Variants in TAOK3 observed in about 807,000 individuals in gnomAD.
The protein encoded by TAOK3 is TAO kinase 3.
A neutral mutation model predicts 120.4 loss-of-function variants in TAOK3; 40 were observed. The ratio of observed to expected loss-of-function variants is 0.33; its 90% confidence interval spans 0.26 to 0.43. The LOEUF is 0.43. TAOK3 is among the 20% of genes least tolerant of loss of function. The pLI, the probability that TAOK3 is intolerant of heterozygous loss-of-function variation, is 1.00. For synonymous variants in TAOK3, 355 were observed against 387.5 expected, an observed-to-expected ratio of 0.92 and a Z score of 0.99; for missense variants, 821 against 1,112.1, an observed-to-expected ratio of 0.74 and a Z score of 3.72.
chr12:118,174,853 C>T (rs1194301440), intron 16 of TAOK3, among the ~76,000 whole-genome samples: 1 of 152,036 alleles, frequency 6.6e-6, no homozygotes, highest in South Asian at 2.1e-4. Flanking sequence ...ATAGAGATGT[C>T]GTTTTACCAT....
At chr12:118,291,807 A>G (rs2042493523) in intron 1 of TAOK3, among the ~76,000 whole-genome samples, 1 of 152,106 alleles carries the variant, frequency 6.6e-6, no homozygotes, top group African/African-American at 2.4e-5. Flanking sequence ...TATACTACAT[A>G]TGAAATGAAA....
intron 11 of TAOK3, among the ~76,000 whole-genome samples, chr12:118,202,808 C>T (rs1297778017): frequency 6.1e-4 from 71 of 115,606 alleles, no homozygotes; most frequent in Non-Finnish European, 8.8e-4. Flanking sequence ...GAGATGGAGT[C>T]TCGCTCTCTC....
intron 3 of TAOK3, among the ~76,000 whole-genome samples, chr12:118,252,820 C>T (rs892814867): frequency 3.3e-5 from 5 of 151,518 alleles, no homozygotes; most frequent in East Asian, 3.9e-4. Flanking sequence ...CCCGAGTTCA[C>T]GCCATTCTCC....
chr12:118,162,156 G>A (rs2035262953), intron 17 of TAOK3, 129 bp from the exon 18 acceptor site: 4 of 1,177,418 alleles, frequency 3.4e-6, no homozygotes, highest in Admixed American at 2.3e-5. Context: ...ATTAGTGTTT[G>A]GCAGCAGGAC....
chr12:118,274,669 C>T (rs1274933913), intron 1 of TAOK3, among the ~76,000 whole-genome samples: 1 of 152,152 alleles, frequency 6.6e-6, no homozygotes, highest in Non-Finnish European at 1.5e-5. Context: ...CACTCTGTTG[C>T]CCAGGATGGA....
chr12:118,302,100 C>G (rs1460446559), intron 1 of TAOK3, among the ~76,000 whole-genome samples: 1 of 152,086 alleles, frequency 6.6e-6, no homozygotes, highest in African/African-American at 2.4e-5. Context: ...CATTCTCTGT[C>G]CCTATCCACT....
At chr12:118,325,444 T>C (rs1192289765) in intron 1 of TAOK3, among the ~76,000 whole-genome samples, 3 of 152,226 alleles carry the variant, frequency 2.0e-5, no homozygotes, top group Non-Finnish European at 1.5e-5. Flanking sequence ...TATCTCATTG[T>C]AGTTTTGATC....
intron 2 of TAOK3, among the ~76,000 whole-genome samples, chr12:118,263,967 G>A (rs1302099804): frequency 6.6e-6 from 1 of 152,226 alleles, no homozygotes; most frequent in African/African-American, 2.4e-5. Flanking sequence ...TCGGGAGGCT[G>A]AGGAAGGAGA....
intron 9 of TAOK3, among the ~76,000 whole-genome samples, chr12:118,227,509 T>C (rs1216142939): frequency 6.6e-6 from 1 of 152,012 alleles, no homozygotes; most frequent in African/African-American, 2.4e-5. Context: ...AAAACAATCC[T>C]ATATATGAAT....
intron 1 of TAOK3, among the ~76,000 whole-genome samples, chr12:118,290,463 C>T (rs937774869): frequency 2.0e-5 from 3 of 152,176 alleles, no homozygotes; most frequent in Admixed American, 1.3e-4. Context: ...CCTTTATGCT[C>T]CTGTAGAAGT....
At chr12:118,350,757 G>C (rs1285280956) in intron 1 of TAOK3, among the ~76,000 whole-genome samples, 1 of 151,844 alleles carries the variant, frequency 6.6e-6, no homozygotes, top group Non-Finnish European at 1.5e-5. Context: ...CTACTCGGGA[G>C]GCTGAGGCAG....
chr12:118,273,429 G>C (rs2041792102), intron 1 of TAOK3, among the ~76,000 whole-genome samples: 1 of 152,192 alleles, frequency 6.6e-6, no homozygotes, highest in African/African-American at 2.4e-5. Flanking sequence ...TTGAACCAAG[G>C]AGGCAGAGGT....
rs1390772248 is a variant in TAOK3 at position 118,214,009 on chromosome 12, A to G, written c.737+8T>C. The G allele has an allele frequency of 3.1e-6, 5 of 1,600,274 alleles. 1 individual carries two copies. In the South Asian group the frequency reaches 4.4e-5, roughly 14 times the overall value. ...TCTTAGAGATTTAAAATGATAGCAG[A>G]GTCTTACCATTCATTAGACTGTAAC... On this transcript the variant is annotated splice_region_variant and intron_variant, in intron 10 of 20. Transcript: ENST00000392533.
intron 1 of TAOK3, among the ~76,000 whole-genome samples, chr12:118,300,142 C>G (rs184607574): frequency 6.6e-6 from 1 of 152,240 alleles, no homozygotes; most frequent in Non-Finnish European, 1.5e-5. Flanking sequence ...TTTGCTGATA[C>G]GGAAATTGTA....
In TAOK3 at chr12:118,161,058, CAT is replaced by C. The variant is rs2035188063; in HGVS notation, c.2140-702_2140-701del. Among the ~76,000 whole-genome samples, 2 of 152,220 alleles carry C rather than the reference CAT, an allele frequency of 1.3e-5. No homozygotes were observed. Among genetic ancestry groups the C allele is most frequent in the African/African-American group, 2.4e-5 (1 of 41,446 alleles). On this transcript the variant is annotated intron_variant, in intron 18 of 20. Coordinates refer to ENST00000392533, the MANE Select transcript of TAOK3 (RefSeq NM_016281.4). This position sits in a 1 kb window ranked among gnomAD's most constrained non-coding sequence, Gnocchi z 4.5. Reference sequence around the variant, plus strand: ...GCATTCCATCAGGTTGCCCCACAGTCATGTGTGCACTTCACGAACACTCTGAG... The same window carrying C: ...GCATTCCATCAGGTTGCCCCACAGTCGTGTGCACTTCACGAACACTCTGAG...
chr12:118,317,824 CA>C (rs923857321), intron 1 of TAOK3, among the ~76,000 whole-genome samples: 1 of 151,254 alleles, frequency 6.6e-6, no homozygotes, highest in East Asian at 1.9e-4. Flanking sequence ...GACAAACAAA[CA>C]AAAAAAACAA....
chr12:118,217,318 A>T (rs903404114), intron 9 of TAOK3, among the ~76,000 whole-genome samples: 5 of 152,218 alleles, frequency 3.3e-5, no homozygotes, highest in Non-Finnish European at 7.3e-5. Flanking sequence ...GCAGATGACA[A>T]CTATACCTAT....
chr12:118,339,380 G>A (rs563761141), intron 1 of TAOK3, among the ~76,000 whole-genome samples: 5 of 143,302 alleles, frequency 3.5e-5, no homozygotes, highest in Non-Finnish European at 6.0e-5. Context: ...CGCCTCCAGC[G>A]TTCAGGCGAT....
intron 9 of TAOK3, among the ~76,000 whole-genome samples, chr12:118,226,146 C>T (rs1337190501): frequency 6.6e-6 from 1 of 152,136 alleles, no homozygotes; most frequent in African/African-American, 2.4e-5. Flanking sequence ...GAGGCCGAGG[C>T]GGGCAGATCA....
Sources: gnomAD v4.1 joint callset for allele counts (sites outside exome capture counted in the v4.1 genomes callset) on GRCh38, gnomAD v4.1.1 for gene constraint, Gnocchi (gnomAD v3.1) non-coding constraint, MANE v1.5 for transcripts, NCBI Gene and HGNC (gene_info 2026-07-23, HGNC 2026-07-21) for gene names.